Variants in CWF19L2 observed in about 807,000 individuals in gnomAD.
CWF19L2 encodes CWF19-like protein 2.
CWF19L2 carries 98 observed loss-of-function variants against 111.7 expected under a neutral mutation model. That is an observed-to-expected ratio of 0.88 (90% CI 0.75 to 1.04). CWF19L2 has a LOEUF of 1.04. Among genes scored for constraint, CWF19L2 ranks in the 50% least tolerant of loss-of-function variants. The probability of loss-of-function intolerance (pLI) is 0.00; values close to 1 mark genes in which losing one functional copy is unlikely to be tolerated. For missense variants in CWF19L2, 1,101 were observed against 1,051.4 expected (o/e 1.05, Z -0.65); for synonymous variants, 351 against 342.9 (o/e 1.02, Z -0.26).
intron 13 of CWF19L2, among the ~76,000 whole-genome samples, chr11:107,349,341 G>C (rs540562959): frequency 6.6e-6 from 1 of 152,118 alleles, no homozygotes; most frequent in Non-Finnish European, 1.5e-5. Context: ...AGGCAAAGAA[G>C]AGCAGAATGA....
Position 107,369,322 on chromosome 11 carries a change from T to C in CWF19L2, c.1873-15586A>G, listed in dbSNP as rs896919302. On this transcript the variant is annotated intron_variant, in intron 12 of 17. Coordinates refer to ENST00000282251, the MANE Select transcript of CWF19L2 (RefSeq NM_152434.3). ...TGGATAACCAAATACATTAGAATTA[T>C]GTATAATATAAAAGTAGAGCTTCAG... 5.1e-5 allele frequency among the ~76,000 whole-genome samples: 7 copies of C among 137,894 alleles called. 3 individuals carry two copies. The highest frequency in any genetic ancestry group is 1.7e-4 in the African/African-American group (6 of 34,622). The allele number at this position is 137,894 out of a possible 152,430, so 90.5% of individuals were successfully genotyped here.
intron 8 of CWF19L2, among the ~76,000 whole-genome samples, chr11:107,422,789 G>A (rs949676708): frequency 6.6e-6 from 1 of 151,724 alleles, no homozygotes; most frequent in African/African-American, 2.4e-5. Context: ...ACAATATATG[G>A]AAATTATTTT....
At chr11:107,445,197 T>C (rs1383627586) in intron 3 of CWF19L2, among the ~76,000 whole-genome samples, 1 of 152,214 alleles carries the variant, frequency 6.6e-6, no homozygotes, top group Non-Finnish European at 1.5e-5. Flanking sequence ...CATCTATATG[T>C]CTTATGAGAA....
At chr11:107,419,028 G>T (rs1261099446) in intron 8 of CWF19L2, among the ~76,000 whole-genome samples, 2 of 152,186 alleles carry the variant, frequency 1.3e-5, no homozygotes, top group Non-Finnish European at 2.9e-5. Context: ...AGAAGCGAAA[G>T]CTGCACCATA....
chr11:107,396,086 A>G (rs1860917406), intron 10 of CWF19L2, among the ~76,000 whole-genome samples: 1 of 152,224 alleles, frequency 6.6e-6, no homozygotes, highest in Non-Finnish European at 1.5e-5. Flanking sequence ...CATTTTGGGT[A>G]CGCAAGACAG....
In CWF19L2 at chr11:107,415,144, A is replaced by C. The variant is rs78187603; in HGVS notation, c.1617+1065T>G. Among the ~76,000 whole-genome samples the C allele has an allele frequency of 5.7e-3, 866 of 151,842 alleles. 10 individuals are homozygous for C. Among genetic ancestry groups the C allele is most frequent in the African/African-American group, 0.019 (782 of 41,374 alleles). On this transcript the variant is annotated intron_variant, in intron 10 of 17. Coordinates refer to ENST00000282251, the MANE Select transcript of CWF19L2 (RefSeq NM_152434.3). ...CCTACTTCCCTCTCTCATTTATTCC[A>C]CTCCAGCAACACCAGTCTCGTTGCT...
intron 3 of CWF19L2, among the ~76,000 whole-genome samples, chr11:107,448,199 G>C (rs530935053): frequency 6.6e-5 from 10 of 152,020 alleles, no homozygotes; most frequent in Admixed American, 2.0e-4. Flanking sequence ...CAAACAATTA[G>C]CTGGACGTGG....
At chr11:107,335,019 A>G in intron 15 of CWF19L2, 58 bp from the exon 16 acceptor site, 1 of 1,051,494 alleles carries the variant, frequency 9.5e-7, no homozygotes, top group East Asian at 2.4e-5. Flanking sequence ...AAAAAGAAAC[A>G]GCTTATAACA....
intron 3 of CWF19L2, among the ~76,000 whole-genome samples, chr11:107,449,698 T>C (rs1308514924): frequency 6.6e-6 from 1 of 151,222 alleles, no homozygotes; most frequent in Non-Finnish European, 1.5e-5. Flanking sequence ...TCATTAAAAA[T>C]AAATAAGGTA....
intron 7 of CWF19L2, among the ~76,000 whole-genome samples, chr11:107,431,376 C>A (rs1861463563): frequency 6.6e-6 from 1 of 151,434 alleles, no homozygotes; most frequent in Non-Finnish European, 1.5e-5. Flanking sequence ...TAAAAATAAC[C>A]TCAATGGCAT....
chr11:107,403,774 A>T (rs1861040730), intron 10 of CWF19L2: 2 of 900,988 alleles, frequency 2.2e-6, no homozygotes, highest in Non-Finnish European at 3.7e-6. Context: ...GTGCAATCTC[A>T]GCTGCAACTT....
intron 10 of CWF19L2, chr11:107,403,599 G>A (rs1861037535): frequency 2.3e-5 from 18 of 783,824 alleles, no homozygotes; most frequent in Non-Finnish European, 3.7e-5. Context: ...TCTTCAAGGT[G>A]TGTCTTCTCT....
At chr11:107,423,049 A>G (rs12285847) in intron 8 of CWF19L2, among the ~76,000 whole-genome samples, 3,276 of 152,070 alleles carry the variant, frequency 0.022, 117 homozygotes, top group African/African-American at 0.074. Context: ...GGGACACTGC[A>G]TTCATGTAAG....
intron 12 of CWF19L2, among the ~76,000 whole-genome samples, chr11:107,359,438 A>T (rs529981244): frequency 2.0e-5 from 3 of 152,318 alleles, no homozygotes; most frequent in South Asian, 4.1e-4. Context: ...GTCTTCCAGG[A>T]TATAGTATAT....
At chr11:107,423,450 G>A (rs751747182) in intron 8 of CWF19L2, among the ~76,000 whole-genome samples, 1 of 151,902 alleles carries the variant, frequency 6.6e-6, no homozygotes, top group Admixed American at 6.6e-5. Context: ...CCCCTATGAA[G>A]TCGCTTTCTC....
At chr11:107,359,454 A>G (rs1860289923) in intron 12 of CWF19L2, among the ~76,000 whole-genome samples, 1 of 152,162 alleles carries the variant, frequency 6.6e-6, no homozygotes. Context: ...TATATGCTCT[A>G]AGTCAGCATC....
intron 13 of CWF19L2, 136 bp downstream of exon 13, chr11:107,353,388 G>A (rs1860185654): frequency 1.5e-6 from 1 of 669,788 alleles, no homozygotes; most frequent in African/African-American, 1.8e-5. Context: ...TGTCTTCACG[G>A]AGCTTAAAAA....
At chr11:107,410,417 A>G (rs937821063) in intron 10 of CWF19L2, among the ~76,000 whole-genome samples, 1 of 152,146 alleles carries the variant, frequency 6.6e-6, no homozygotes, top group African/African-American at 2.4e-5. Context: ...TAAAGCTTGA[A>G]CCAGATGTGC....
intron 6 of CWF19L2, 44 bp downstream of exon 6, chr11:107,439,046 A>AAAC: frequency 1.1e-6 from 1 of 919,758 alleles, no homozygotes; most frequent in South Asian, 1.5e-5. Context: ...AAAAAAAAAA[A>AAAC]AAAAAAAAAA....
Sources: allele counts gnomAD v4.1 joint callset (sites outside exome capture counted in the v4.1 genomes callset), GRCh38; gene constraint gnomAD v4.1.1; transcripts MANE v1.5; gene names NCBI Gene and HGNC (gene_info 2026-07-23, HGNC 2026-07-21).